Variants in CCDC85A observed in about 807,000 individuals in gnomAD.
CCDC85A encodes the protein coiled-coil domain-containing protein 85A.
In CCDC85A, 38 loss-of-function variants were observed where a neutral mutation model predicts 50.2. The ratio of observed to expected loss-of-function variants is 0.76; its 90% confidence interval spans 0.58 to 0.99. CCDC85A has a LOEUF of 0.99. CCDC85A is among the 50% of genes least tolerant of loss of function. The pLI, the probability that CCDC85A is intolerant of heterozygous loss-of-function variation, is 0.00. For synonymous variants in CCDC85A, 366 were observed against 301.4 expected (o/e 1.21, Z -2.22); for missense variants, 820 against 742.0 (o/e 1.11, Z -1.22).
intron 3 of CCDC85A, among the ~76,000 whole-genome samples, chr2:56,366,764 C>T (rs1675816208): frequency 6.6e-6 from 1 of 152,108 alleles, no homozygotes; most frequent in African/African-American, 2.4e-5. Context: ...CAAAAACAGG[C>T]CCTCAAGAAG....
chr2:56,347,804 A>G (rs1199964665), intron 3 of CCDC85A, among the ~76,000 whole-genome samples: 5 of 152,224 alleles, frequency 3.3e-5, no homozygotes, highest in African/African-American at 9.6e-5. Flanking sequence ...GCCCAAATTC[A>G]AAAACCTTGC....
chr2:56,258,600 A>G lies in CCDC85A; in HGVS notation c.1240+65160A>G, dbSNP rs567339669. On this transcript the variant is annotated intron_variant, in intron 2 of 5. Coordinates refer to ENST00000407595, the MANE Select transcript of CCDC85A (RefSeq NM_001080433.2). Reference sequence around the variant, plus strand: ...TCATGCAGAATTTTGGTAGAATGGGATAGATAGCAAAATCTAGGACAGGAG... The same window carrying G: ...TCATGCAGAATTTTGGTAGAATGGGGTAGATAGCAAAATCTAGGACAGGAG... 3.3e-5 allele frequency among the ~76,000 whole-genome samples: 5 copies of G among 152,336 alleles called. No homozygotes were observed. In the East Asian group the frequency reaches 7.7e-4, roughly 23 times the overall value.
At position 56,266,578 on chromosome 2, in the gene CCDC85A, G is replaced by GGCC. The variant is rs71393521; in HGVS notation, c.1240+73138_1240+73139insGCC. Among the ~76,000 whole-genome samples, 26 of 60,340 alleles carry GGCC rather than the reference G, an allele frequency of 4.3e-4. 1 individual carries two copies. Among genetic ancestry groups the GGCC allele is most frequent in the South Asian group, 2.0e-3 (2 of 1,000 alleles). 39.6% of individuals were successfully genotyped at this position (60,340 alleles called of 152,430 possible). On this transcript the variant is annotated intron_variant, in intron 2 of 5. Transcript: ENST00000407595. ...TATAATTGTCAATTAACAATAACGC[G>GGCC]CCCCCCCCCCCCATAATCTTCTTCC...
Position 56,237,001 on chromosome 2 carries a change from G to A in CCDC85A, c.1240+43561G>A, listed in dbSNP as rs575648444. On this transcript the variant is annotated intron_variant, in intron 2 of 5. Coordinates refer to ENST00000407595, the MANE Select transcript of CCDC85A (RefSeq NM_001080433.2). ...TTTTCTATGAATTTCTTTTTTACGA[G>A]GCTCATCAAAATGTATTTCAGTTGG... is the stretch of plus-strand genomic sequence containing the variant. Among the ~76,000 whole-genome samples the A allele has an allele frequency of 1.5e-3, 230 of 152,100 alleles. 1 individual carries two copies. Among genetic ancestry groups the A allele is most frequent in the Middle Eastern group, 0.01 (3 of 294 alleles).
At chr2:56,233,805 A>G (rs1192861706) in intron 2 of CCDC85A, among the ~76,000 whole-genome samples, 1 of 152,180 alleles carries the variant, frequency 6.6e-6, no homozygotes, top group African/African-American at 2.4e-5. Flanking sequence ...CCTTGAGGAA[A>G]GGGCCTTGTA....
rs537565800 is a variant in CCDC85A, at chr2:56,219,515, C to G, written c.1240+26075C>G. Reference sequence around the variant, plus strand: ...AATGACAAACTGCTTGTAAAGTTTCCTACAAATCCCATCTTTCCTTTGCGT... The same window carrying G: ...AATGACAAACTGCTTGTAAAGTTTCGTACAAATCCCATCTTTCCTTTGCGT... On this transcript the variant is annotated intron_variant, in intron 2 of 5. Transcript: ENST00000407595. Among the ~76,000 whole-genome samples, 31 of 151,682 alleles carry G rather than the reference C, an allele frequency of 2.0e-4. No homozygotes were observed. The East Asian group carries it at 6.0e-3, about 29-fold the overall frequency.
intron 2 of CCDC85A, among the ~76,000 whole-genome samples, chr2:56,267,776 A>G (rs1200685686): frequency 1.3e-5 from 2 of 152,196 alleles, no homozygotes; most frequent in African/African-American, 4.8e-5. Flanking sequence ...TCTGAATAGA[A>G]TTACACTTAC....
chr2:56,331,287 G>A (rs966830104), intron 2 of CCDC85A, among the ~76,000 whole-genome samples: 1 of 152,120 alleles, frequency 6.6e-6, no homozygotes, highest in East Asian at 1.9e-4. Context: ...AATACCTAAT[G>A]CATGCAAGGC....
At chr2:56,345,549 C>T (rs1444184668) in intron 3 of CCDC85A, among the ~76,000 whole-genome samples, 1 of 152,126 alleles carries the variant, frequency 6.6e-6, no homozygotes, top group African/African-American at 2.4e-5. Context: ...AGAGTGGTGC[C>T]TTCATTTACT....
At chr2:56,381,253 AC>A (rs1439361040) in intron 5 of CCDC85A, among the ~76,000 whole-genome samples, 1 of 151,794 alleles carries the variant, frequency 6.6e-6, no homozygotes, top group African/African-American at 2.4e-5. Context: ...TAGCTTTTCA[AC>A]CTGTGCTTAA....
At chr2:56,201,107 CACA>C (rs1676725162) in intron 2 of CCDC85A, among the ~76,000 whole-genome samples, 1 of 151,248 alleles carries the variant, frequency 6.6e-6, no homozygotes. Context: ...CACACACACA[CACA>C]CACACACACA....
intron 1 of CCDC85A, among the ~76,000 whole-genome samples, chr2:56,186,417 G>T (rs1676049056): frequency 1.3e-5 from 2 of 152,180 alleles, no homozygotes; most frequent in African/African-American, 2.4e-5. Flanking sequence ...TTCTGAGGGT[G>T]TTATGGCAAT....
chr2:56,283,237 A>G (rs1045673148), intron 2 of CCDC85A, among the ~76,000 whole-genome samples: 1 of 152,204 alleles, frequency 6.6e-6, no homozygotes, highest in African/African-American at 2.4e-5. Flanking sequence ...AGCATTCAGT[A>G]TTTCACAGTG....
chr2:56,372,667 T>G (rs1326192568), intron 4 of CCDC85A, among the ~76,000 whole-genome samples, 189 bp downstream of exon 4: 1 of 152,122 alleles, frequency 6.6e-6, no homozygotes, highest in Non-Finnish European at 1.5e-5. Flanking sequence ...CTTGTTTTTT[T>G]CCCCCACATC....
intron 2 of CCDC85A, among the ~76,000 whole-genome samples, chr2:56,332,692 CT>C (rs1306313517): frequency 1.5e-5 from 2 of 135,844 alleles, no homozygotes; most frequent in Admixed American, 7.6e-5. Flanking sequence ...CTTTTCCCCC[CT>C]CTCTCCCTCT....
intron 3 of CCDC85A, among the ~76,000 whole-genome samples, chr2:56,352,526 A>C (rs956397184): frequency 6.6e-6 from 1 of 152,032 alleles, no homozygotes; most frequent in Non-Finnish European, 1.5e-5. Flanking sequence ...TTGCATTTTT[A>C]ATAGAGACGG....
chr2:56,265,650 G>A (rs1412222763), intron 2 of CCDC85A, among the ~76,000 whole-genome samples: 1 of 152,156 alleles, frequency 6.6e-6, no homozygotes, highest in Non-Finnish European at 1.5e-5. Flanking sequence ...AAATAAAAGT[G>A]TTGGTGAGGA....
intron 2 of CCDC85A, among the ~76,000 whole-genome samples, chr2:56,199,911 C>G (rs1371560699): frequency 6.6e-6 from 1 of 152,150 alleles, no homozygotes; most frequent in East Asian, 1.9e-4. Flanking sequence ...GCTCTGTTGC[C>G]AGGCTGCAGT....
chr2:56,320,111 C>G (rs1210999165), intron 2 of CCDC85A, among the ~76,000 whole-genome samples: 1 of 152,038 alleles, frequency 6.6e-6, no homozygotes, highest in Non-Finnish European at 1.5e-5. Context: ...ACACAACATA[C>G]CAGAATCTCT....
Sources: gnomAD v4.1 joint callset for allele counts (sites outside exome capture counted in the v4.1 genomes callset) on GRCh38, gnomAD v4.1.1 for gene constraint, MANE v1.5 for transcripts, NCBI Gene and HGNC (gene_info 2026-07-23, HGNC 2026-07-21) for gene names.